The following FLT1 variants were observed in gnomAD, a reference collection of about 807,000 sequenced individuals.
FLT1 encodes vascular endothelial growth factor receptor 1.
In FLT1, 49 loss-of-function variants were observed where a neutral mutation model predicts 156.3. That is an observed-to-expected ratio of 0.31 (90% CI 0.25 to 0.40). FLT1 has a LOEUF of 0.40. Ranked by LOEUF, FLT1 falls within the 10% of genes least tolerant of loss-of-function variation. The pLI is 1.00. For synonymous variants in FLT1, 594 were observed against 583.8 expected, an observed-to-expected ratio of 1.02 and a Z score of -0.25; for missense variants, 1,322 against 1,637.2, an observed-to-expected ratio of 0.81 and a Z score of 3.32.
chr13:28,460,116 C>G (rs925243679), intron 3 of FLT1, among the ~76,000 whole-genome samples: 14 of 152,184 alleles, frequency 9.2e-5, no homozygotes, highest in Non-Finnish European at 1.8e-4. Context: ...CATCACCCAG[C>G]TGGGCAGTGT....
At chr13:28,424,311 A>G (rs1399839440) in intron 10 of FLT1, among the ~76,000 whole-genome samples, 1 of 151,962 alleles carries the variant, frequency 6.6e-6, no homozygotes, top group East Asian at 1.9e-4. Context: ...TTGGTTCATT[A>G]CCTGTATGAG....
intron 1 of FLT1, among the ~76,000 whole-genome samples, chr13:28,470,074 C>T (rs1261998776): frequency 6.6e-6 from 1 of 152,142 alleles, no homozygotes; most frequent in African/African-American, 2.4e-5. Flanking sequence ...GTAATTTTTA[C>T]AGACAGTAGA....
chr13:28,390,159 G>T, intron 12 of FLT1, 55 bp from the exon 13 acceptor site: 1 of 1,588,474 alleles, frequency 6.3e-7, no homozygotes, highest in Non-Finnish European at 8.6e-7. Context: ...GTCTTTTAAT[G>T]AGATATTCAA....
intron 3 of FLT1, among the ~76,000 whole-genome samples, chr13:28,442,412 T>G (rs1198349085): frequency 6.6e-6 from 1 of 152,240 alleles, no homozygotes; most frequent in Non-Finnish European, 1.5e-5. Flanking sequence ...TCTAGACTAA[T>G]GAATACCAAT....
At chr13:28,370,962 C>T (rs542593733) in intron 14 of FLT1, among the ~76,000 whole-genome samples, 2 of 152,252 alleles carry the variant, frequency 1.3e-5, no homozygotes, top group Non-Finnish European at 2.9e-5. Flanking sequence ...AGAACTTAGT[C>T]AAGAAAGTGT....
chr13:28,402,940 C>A (rs374690670), intron 11 of FLT1, among the ~76,000 whole-genome samples: 10 of 151,998 alleles, frequency 6.6e-5, no homozygotes, highest in African/African-American at 2.2e-4. Flanking sequence ...CCACTACGCC[C>A]GGCTAATTTT....
At chr13:28,489,080 G>A (rs567899831) in intron 1 of FLT1, among the ~76,000 whole-genome samples, 1 of 152,292 alleles carries the variant, frequency 6.6e-6, no homozygotes, top group Admixed American at 6.5e-5. Flanking sequence ...GAAGCATCAT[G>A]CCCACACAGG....
intron 14 of FLT1, among the ~76,000 whole-genome samples, chr13:28,384,578 G>T (rs1593729570): frequency 6.6e-6 from 1 of 152,020 alleles, no homozygotes; most frequent in African/African-American, 2.4e-5. Flanking sequence ...CACTTTCCCA[G>T]CCGTCATGGT....
chr13:28,445,189 A>G (rs1477263418), intron 3 of FLT1, among the ~76,000 whole-genome samples: 1 of 152,210 alleles, frequency 6.6e-6, no homozygotes, highest in Non-Finnish European at 1.5e-5. Context: ...TTCAGAAATG[A>G]AACAGGGCCA....
At chr13:28,379,043 G>A (rs763163396) in intron 14 of FLT1, among the ~76,000 whole-genome samples, 2 of 152,058 alleles carry the variant, frequency 1.3e-5, no homozygotes, top group Non-Finnish European at 2.9e-5. Context: ...GATCTTTCAC[G>A]ACATCAAGAA....
At chr13:28,404,437 T>A (rs187272145) in intron 11 of FLT1, among the ~76,000 whole-genome samples, 1 of 152,366 alleles carries the variant, frequency 6.6e-6, no homozygotes, top group Admixed American at 6.5e-5. Context: ...AAAATAGAGA[T>A]AACCACTCTC....
chr13:28,407,593 C>G (rs1875890886), intron 10 of FLT1, among the ~76,000 whole-genome samples: 1 of 152,088 alleles, frequency 6.6e-6, no homozygotes, highest in Non-Finnish European at 1.5e-5. Context: ...GTGTTTGCAC[C>G]TAAACCGTAT....
At chr13:28,471,024 T>C (rs371544376) in intron 1 of FLT1, among the ~76,000 whole-genome samples, 1 of 152,148 alleles carries the variant, frequency 6.6e-6, no homozygotes, top group Non-Finnish European at 1.5e-5. Context: ...TCTTAGACAG[T>C]GTGCCCTCTA....
chr13:28,346,791 T>C (rs2138860803), intron 15 of FLT1, among the ~76,000 whole-genome samples: 1 of 152,342 alleles, frequency 6.6e-6, no homozygotes, highest in South Asian at 2.1e-4. Flanking sequence ...TGAAATTTTC[T>C]TTTTAGAAAT....
rs541472478 is a variant in FLT1, at chr13:28,451,267, C to T, written c.389-12922G>A. Among the ~76,000 whole-genome samples the T allele has an allele frequency of 2.0e-5, 3 of 152,196 alleles. No homozygotes were observed. The South Asian group carries it at 6.2e-4, about 32-fold the overall frequency. On this transcript the variant is annotated intron_variant, in intron 3 of 29. Transcript: ENST00000282397. ...GTGAAACCCCGCCTCTACTAAAATA[C>T]AAAAAATTAGCTAGACGTGGCGGCA...
intron 17 of FLT1, 147 bp downstream of exon 17, chr13:28,339,020 CT>C (rs1872225000): frequency 4.4e-6 from 3 of 679,702 alleles, no homozygotes; most frequent in Middle Eastern, 7.9e-4. Flanking sequence ...GAATTATTTA[CT>C]TTTGTGTCCA....
intron 4 of FLT1, among the ~76,000 whole-genome samples, chr13:28,434,933 G>C (rs1186939828): frequency 6.6e-6 from 1 of 152,168 alleles, no homozygotes; most frequent in East Asian, 1.9e-4. Context: ...GGGGCTGCCA[G>C]ATTATTCTCA....
intron 14 of FLT1, among the ~76,000 whole-genome samples, chr13:28,381,031 C>CT (rs1344476787): frequency 2.6e-5 from 4 of 152,136 alleles, no homozygotes; most frequent in African/African-American, 9.7e-5. Flanking sequence ...ACACTGGACT[C>CT]TTTTTTTGCA....
intron 15 of FLT1, chr13:28,345,852 A>C (rs766496614): frequency 1.4e-4 from 43 of 305,236 alleles, no homozygotes; most frequent in Non-Finnish European, 2.0e-4. Flanking sequence ...CTAAGTAAAA[A>C]TCAGAGGAGA....
Sources: gnomAD v4.1 joint callset for allele counts (sites outside exome capture counted in the v4.1 genomes callset) on GRCh38, gnomAD v4.1.1 for gene constraint, MANE v1.5 for transcripts, NCBI Gene and HGNC (gene_info 2026-07-23, HGNC 2026-07-21) for gene names.